KCNK18: variants seen among roughly 807,000 people sequenced by gnomAD.
KCNK18 encodes the protein potassium two pore domain channel subfamily K member 18.
KCNK18 carries 8 observed loss-of-function variants against 11.8 expected under a neutral mutation model. That is an observed-to-expected ratio of 0.68 (90% CI 0.40 to 1.22). KCNK18 has a LOEUF of 1.22. Ranked by LOEUF, KCNK18 falls within the 50% of genes most tolerant of loss-of-function variation. The pLI is 0.01. For synonymous variants in KCNK18, 208 were observed against 185.8 expected, an observed-to-expected ratio of 1.12 and a Z score of -0.97; for missense variants, 442 against 465.4, an observed-to-expected ratio of 0.95 and a Z score of 0.46.
At chr10:117,208,437 T>A (rs1855103311) in intron 2 of KCNK18, among the ~76,000 whole-genome samples, 1 of 152,086 alleles carries the variant, frequency 6.6e-6, no homozygotes, top group African/African-American at 2.4e-5. Context: ...GTCATCCCCA[T>A]CTTACAGATA....
intron 2 of KCNK18, among the ~76,000 whole-genome samples, chr10:117,202,615 G>A (rs1350953481): frequency 6.6e-6 from 1 of 152,214 alleles, no homozygotes; most frequent in Admixed American, 6.5e-5. Flanking sequence ...TGGTTCATCA[G>A]CCATGACGAT....
intron 1 of KCNK18, among the ~76,000 whole-genome samples, chr10:117,198,171 A>C (rs944272194): frequency 6.6e-6 from 1 of 152,138 alleles, no homozygotes; most frequent in African/African-American, 2.4e-5. Flanking sequence ...GGAACAACCC[A>C]AATTGGATTT....
chr10:117,198,654 T>C (rs1357029588), intron 1 of KCNK18, among the ~76,000 whole-genome samples: 1 of 152,178 alleles, frequency 6.6e-6, no homozygotes, highest in Non-Finnish European at 1.5e-5. Flanking sequence ...AGGAGAAGAA[T>C]GGGGTGCAGG....
chr10:117,197,861 C>A, intron 1 of KCNK18, 150 bp downstream of exon 1: 2 of 701,126 alleles, frequency 2.9e-6, no homozygotes, highest in Non-Finnish European at 2.5e-6. Flanking sequence ...TAACTTCTTT[C>A]TGAACCTCTG....
At chr10:117,202,903 T>TTTTTTTTC in intron 2 of KCNK18, among the ~76,000 whole-genome samples, 1 of 142,690 alleles carries the variant, frequency 7.0e-6, no homozygotes, top group South Asian at 2.3e-4. Context: ...TTTTTTTTTT[T>TTTTTTTTC]TTTTTGAGAT....
At chr10:117,202,286 CT>C (rs757909314) in intron 2 of KCNK18, among the ~76,000 whole-genome samples, 76 of 152,362 alleles carry the variant, frequency 5.0e-4, no homozygotes, top group Non-Finnish European at 1.0e-3. Context: ...CCCAAAAGCA[CT>C]TCTAGACCTG....
chr10:117,203,581 C>T (rs1162548400), intron 2 of KCNK18, among the ~76,000 whole-genome samples: 2 of 152,166 alleles, frequency 1.3e-5, no homozygotes, highest in African/African-American at 4.8e-5. Context: ...GCTCTGTCGC[C>T]CAGACTGGAG....
At chr10:117,207,893 T>C (rs1222481039) in intron 2 of KCNK18, among the ~76,000 whole-genome samples, 3 of 152,210 alleles carry the variant, frequency 2.0e-5, no homozygotes, top group African/African-American at 7.2e-5. Flanking sequence ...CATCAAAAAT[T>C]AAACACAGGC....
intron 1 of KCNK18, among the ~76,000 whole-genome samples, chr10:117,200,229 C>A (rs1854996922): frequency 6.6e-6 from 1 of 152,156 alleles, no homozygotes; most frequent in African/African-American, 2.4e-5. Flanking sequence ...AGGTGTGTGC[C>A]ACCACACCCG....
chr10:117,197,989 C>T (rs1854970110), intron 1 of KCNK18, among the ~76,000 whole-genome samples: 1 of 152,172 alleles, frequency 6.6e-6, no homozygotes, highest in South Asian at 2.1e-4. Flanking sequence ...TCCTGTGCCT[C>T]AGCACCCAGC....
rs1854967089 is a variant in KCNK18 at position 117,197,692 on chromosome 10, C to T, written c.204C>T (p.Ile68=). Residue 68 remains isoleucine (I), a synonymous_variant, in exon 1 of 3, where the codon ATC becomes ATT. Coordinates refer to ENST00000334549, the MANE Select transcript of KCNK18 (RefSeq NM_181840.1). The part of the protein sequence containing the change: ...FEKFLEELCR[I]LNCSETVVED... Reference sequence around the variant, plus strand: ...AGTTCTTGGAGGAGCTCTGCAGAATCTTGAACTGCAGTGAAACAGGTAGGT... The same window carrying T: ...AGTTCTTGGAGGAGCTCTGCAGAATTTTGAACTGCAGTGAAACAGGTAGGT... The T allele has an allele frequency of 1.2e-6, 2 of 1,614,064 alleles. No individual in the cohort carries two copies. The highest frequency in any genetic ancestry group is 1.7e-6 in the Non-Finnish European group (2 of 1,179,962).
intron 1 of KCNK18, among the ~76,000 whole-genome samples, chr10:117,198,410 C>T (rs1270892086): frequency 6.6e-6 from 1 of 152,120 alleles, no homozygotes; most frequent in Admixed American, 6.5e-5. Flanking sequence ...CCCCCAATCT[C>T]AGACTTGGTG....
intron 1 of KCNK18, among the ~76,000 whole-genome samples, chr10:117,199,946 C>G (rs1216766004): frequency 6.6e-6 from 1 of 152,210 alleles, no homozygotes; most frequent in Non-Finnish European, 1.5e-5. Context: ...AACCAGGGTT[C>G]CCAACCCTGC....
At chr10:117,207,504 C>T in intron 2 of KCNK18, among the ~76,000 whole-genome samples, 1 of 152,236 alleles carries the variant, frequency 6.6e-6, no homozygotes, top group East Asian at 1.9e-4. Flanking sequence ...TTGCTCAGCA[C>T]TATGCCCACA....
intron 2 of KCNK18, among the ~76,000 whole-genome samples, chr10:117,203,430 C>G (rs1855038355): frequency 6.6e-6 from 1 of 152,296 alleles, no homozygotes; most frequent in Admixed American, 6.5e-5. Flanking sequence ...TCCAGGGGAA[C>G]CCACAGCTCA....
intron 2 of KCNK18, among the ~76,000 whole-genome samples, chr10:117,207,755 C>G (rs1398784890): frequency 6.6e-6 from 1 of 152,188 alleles, no homozygotes; most frequent in African/African-American, 2.4e-5. Context: ...AGGGCAGAGC[C>G]TGAGGCCAAA....
chr10:117,199,411 G>A (rs1463252990), intron 1 of KCNK18, among the ~76,000 whole-genome samples: 3 of 152,162 alleles, frequency 2.0e-5, no homozygotes, highest in African/African-American at 4.8e-5. Flanking sequence ...ATTTTGTACC[G>A]ATTTTCACTG....
intron 2 of KCNK18, among the ~76,000 whole-genome samples, chr10:117,204,550 A>G (rs951655432): frequency 1.3e-5 from 2 of 152,182 alleles, no homozygotes; most frequent in East Asian, 1.9e-4. Flanking sequence ...ATCTATTGCA[A>G]TGGTTGTCAA....
At chr10:117,205,405 T>C (rs1286043304) in intron 2 of KCNK18, among the ~76,000 whole-genome samples, 1 of 152,222 alleles carries the variant, frequency 6.6e-6, no homozygotes. Context: ...GAATGTGACA[T>C]ATTGCATATT....
Sources: allele counts gnomAD v4.1 joint callset (sites outside exome capture counted in the v4.1 genomes callset), GRCh38; gene constraint gnomAD v4.1.1; transcripts MANE v1.5; gene names NCBI Gene and HGNC (gene_info 2026-07-23, HGNC 2026-07-21).